Variants in EPHA7 observed in about 807,000 individuals in gnomAD.
EPHA7 encodes the protein ephrin type-A receptor 7.
In EPHA7, 25 loss-of-function variants were observed where a neutral mutation model predicts 112.6. The observed-to-expected ratio is 0.22, with a 90% CI of 0.16 to 0.31. The LOEUF (loss-of-function observed/expected upper bound fraction) is 0.31, where lower values mean the gene tolerates loss of function less well. EPHA7 is among the 10% of genes least tolerant of loss of function. EPHA7 has a pLI of 1.00. For missense variants in EPHA7, 962 were observed against 1,212.6 expected (o/e 0.79, Z 3.07); for synonymous variants, 437 against 406.5 (o/e 1.07, Z -0.90).
intron 5 of EPHA7, among the ~76,000 whole-genome samples, chr6:93,321,367 G>A (rs1301552818): frequency 1.3e-4 from 19 of 151,810 alleles, no homozygotes; most frequent in Non-Finnish European, 4.4e-5. Flanking sequence ...CACAATAGGT[G>A]AGTCATTGAT....
intron 5 of EPHA7, among the ~76,000 whole-genome samples, chr6:93,279,589 T>G: frequency 6.6e-6 from 1 of 152,130 alleles, no homozygotes; most frequent in Non-Finnish European, 1.5e-5. Flanking sequence ...GAGGTTTTGC[T>G]TTAGAAAAGA....
intron 5 of EPHA7, among the ~76,000 whole-genome samples, chr6:93,325,801 G>C (rs997114505): frequency 2.0e-5 from 3 of 151,284 alleles, no homozygotes; most frequent in African/African-American, 7.3e-5. Flanking sequence ...TGGCTAAAAA[G>C]AAGGACTTCA....
At chr6:93,329,927 T>C (rs947134064) in intron 5 of EPHA7, among the ~76,000 whole-genome samples, 1 of 151,250 alleles carries the variant, frequency 6.6e-6, no homozygotes, top group Non-Finnish European at 1.5e-5. Context: ...AATTAATTAT[T>C]AGCAATGTAA....
rs139991042 is a variant in EPHA7, at chr6:93,291,163, T to A, written c.1325-18741A>T. Among the ~76,000 whole-genome samples the A allele has an allele frequency of 2.6e-5, 4 of 152,310 alleles. No homozygotes were observed. The East Asian group carries it at 7.7e-4, about 29-fold the overall frequency. ...CATCCCTGATTTCTGTCCTAAACTG[T>A]CTTGGATGGCAAGCAAAAGCAATTG... On this transcript the variant is annotated intron_variant, in intron 5 of 16. Transcript: ENST00000369303.
chr6:93,342,879 G>A (rs1013694869), intron 5 of EPHA7, among the ~76,000 whole-genome samples: 6 of 151,580 alleles, frequency 4.0e-5, no homozygotes, highest in Non-Finnish European at 8.8e-5. Context: ...TAATGAACAC[G>A]TCTTTACTGA....
intron 3 of EPHA7, among the ~76,000 whole-genome samples, chr6:93,363,962 G>A (rs986311323): frequency 2.0e-5 from 3 of 152,070 alleles, no homozygotes; most frequent in Admixed American, 1.3e-4. Context: ...CATATTGTAC[G>A]ATTCAATTTA....
At position 93,264,688 on chromosome 6, in the gene EPHA7, T is replaced by G; in HGVS notation, c.1648A>C (p.Ser550Arg). The part of the protein sequence containing the change: ...GKMFEATAVS[S>R]EQNPVIIIAV... ...ATGATAATAACAGGATTCTGTTCAC[T>G]GGAGACAGCTGTAGCTGTAAACAGA... Residue 550 changes from serine (S) to arginine (R), a missense_variant, in exon 8 of 17, where the codon AGT (serine) becomes CGT (arginine). This residue lies in a region of EPHA7 where 746 missense variants were observed against 889.2 expected (regional missense o/e 0.84). Coordinates refer to ENST00000369303, the MANE Select transcript of EPHA7 (RefSeq NM_004440.4). The G allele has an allele frequency of 6.2e-7, 1 of 1,602,506 alleles. No individual in the cohort carries two copies. Among genetic ancestry groups the G allele is most frequent in the Non-Finnish European group, 8.5e-7 (1 of 1,173,082 alleles).
intron 14 of EPHA7, among the ~76,000 whole-genome samples, chr6:93,252,575 G>C (rs3799821): frequency 0.1 from 15,632 of 151,798 alleles, 1,094 homozygotes; most frequent in Non-Finnish European, 0.15. Flanking sequence ...TTTTATCCCA[G>C]AATGGAAATC....
intron 5 of EPHA7, among the ~76,000 whole-genome samples, chr6:93,288,094 A>G (rs1772164942): frequency 6.6e-6 from 1 of 152,224 alleles, no homozygotes; most frequent in Non-Finnish European, 1.5e-5. Flanking sequence ...ACCCGCAAGA[A>G]ATGAAAACAC....
chr6:93,363,929 G>A (rs576349647), intron 3 of EPHA7, among the ~76,000 whole-genome samples: 4 of 152,236 alleles, frequency 2.6e-5, no homozygotes, highest in African/African-American at 9.6e-5. Context: ...TGCTACATAA[G>A]AGAATCCAAT....
At chr6:93,384,079 A>G (rs1459829702) in intron 3 of EPHA7, among the ~76,000 whole-genome samples, 1 of 152,206 alleles carries the variant, frequency 6.6e-6, no homozygotes, top group Non-Finnish European at 1.5e-5. Flanking sequence ...AGCACACTCA[A>G]AAATATTAAA....
At chr6:93,392,685 C>A (rs1296450248) in intron 3 of EPHA7, among the ~76,000 whole-genome samples, 1 of 151,734 alleles carries the variant, frequency 6.6e-6, no homozygotes, top group Non-Finnish European at 1.5e-5. Context: ...AAATTGCCAC[C>A]AAAGAATAGG....
intron 5 of EPHA7, among the ~76,000 whole-genome samples, chr6:93,275,016 C>A (rs76655880): frequency 6.6e-6 from 1 of 151,828 alleles, no homozygotes; most frequent in African/African-American, 2.4e-5. Context: ...ACTAAATTAA[C>A]GTTATTGTAA....
chr6:93,408,637 T>C (rs1483229079), intron 3 of EPHA7, among the ~76,000 whole-genome samples: 1 of 152,100 alleles, frequency 6.6e-6, no homozygotes, highest in Non-Finnish European at 1.5e-5. Context: ...TTTGTTTTGC[T>C]CAGAGTTCAC....
rs766856886 is a variant in EPHA7 at position 93,258,284 on chromosome 6, C to T, written c.1925G>A (p.Gly642Glu). 1 of 1,572,864 alleles carries T rather than the reference C, an allele frequency of 6.4e-7. No individual in the cohort carries two copies. The highest frequency in any genetic ancestry group is 1.2e-5 in the South Asian group (1 of 83,022). The change falls in exon 11 of 17, where the codon GGA (glycine) becomes GAA (glutamate). Residue 642 changes from glycine (G) to glutamate (E), a missense_variant and splice_region_variant. By Grantham distance (98) the Gly-to-Glu change is moderately conservative. Around this residue, in one of 3 missense-constraint regions of EPHA7, gnomAD observed 746 missense variants for 889.2 expected, o/e 0.84. Transcript: ENST00000369303. ...GCCACTGCAGACTTCACCGAATTCT[C>T]CTGAAGTAACAGAACAAGCAGGCAT... ...CIKIERVIGAGEFGEVCSGRL... is the reference protein window; with the variant it reads ...CIKIERVIGAEEFGEVCSGRL...
intron 3 of EPHA7, among the ~76,000 whole-genome samples, chr6:93,389,018 TA>T (rs1777771515): frequency 1.3e-5 from 2 of 151,978 alleles, no homozygotes; most frequent in Admixed American, 1.3e-4. Context: ...GTAAGATAGA[TA>T]AGACACAGAC....
At chr6:93,307,630 GA>G (rs1283658716) in intron 5 of EPHA7, among the ~76,000 whole-genome samples, 6 of 152,248 alleles carry the variant, frequency 3.9e-5, no homozygotes, top group African/African-American at 1.4e-4. Flanking sequence ...GACTAATACA[GA>G]TTAAATCTTA....
chr6:93,345,153 T>A (rs1775337042), intron 5 of EPHA7, among the ~76,000 whole-genome samples: 1 of 151,692 alleles, frequency 6.6e-6, no homozygotes, highest in African/African-American at 2.4e-5. Context: ...GTGCTGAGTT[T>A]AAGAGTATTA....
At chr6:93,403,311 G>C (rs1024721627) in intron 3 of EPHA7, among the ~76,000 whole-genome samples, 1 of 151,208 alleles carries the variant, frequency 6.6e-6, no homozygotes, top group Non-Finnish European at 1.5e-5. Context: ...ATATTTATTG[G>C]AAGGCTAAGG....
Sources: allele counts gnomAD v4.1 joint callset (sites outside exome capture counted in the v4.1 genomes callset), GRCh38; gene constraint gnomAD v4.1.1; regional missense constraint gnomAD v4.1.1; transcripts MANE v1.5; gene names NCBI Gene and HGNC (gene_info 2026-07-23, HGNC 2026-07-21).